Variants in NDST3 observed in about 807,000 individuals in gnomAD.
The protein encoded by NDST3 is N-deacetylase and N-sulfotransferase 3.
In NDST3, 58 loss-of-function variants were observed where a neutral mutation model predicts 96.1. That is an observed-to-expected ratio of 0.60 (90% CI 0.49 to 0.75). The LOEUF (loss-of-function observed/expected upper bound fraction) is 0.75. Among genes scored for constraint, NDST3 ranks in the 30% least tolerant of loss-of-function variants. The pLI is 0.00. For synonymous variants in NDST3, 333 were observed against 359.7 expected (o/e 0.93, Z 0.84); for missense variants, 788 against 1,034.2 (o/e 0.76, Z 3.27).
At chr4:118,202,776 C>T (rs929226433) in intron 6 of NDST3, among the ~76,000 whole-genome samples, 1 of 152,178 alleles carries the variant, frequency 6.6e-6, no homozygotes, top group Non-Finnish European at 1.5e-5. Flanking sequence ...GAGAGTTTGA[C>T]TTCCTTTCCT....
rs534717633 is a variant in NDST3, at chr4:118,257,949, C to T, written c.*2237C>T. The T allele has an allele frequency of 6.6e-6, 1 of 152,192 alleles. No individual in the cohort carries two copies. Among genetic ancestry groups the T allele is most frequent in the South Asian group, 2.1e-4 (1 of 4,822 alleles). The allele number at this position is 152,192 out of a possible 1,614,324, so 9.4% of individuals were successfully genotyped here. ...GGTTAAACATGAGAATAGGCCTCAG[C>T]AGTTATATACAGTGTCATGTTTTCA... On this transcript the variant is annotated 3_prime_UTR_variant, in exon 14 of 14. Transcript: ENST00000296499.
chr4:118,161,988 G>A (rs943729821), intron 6 of NDST3, among the ~76,000 whole-genome samples: 7 of 152,110 alleles, frequency 4.6e-5, no homozygotes, highest in Admixed American at 2.0e-4. Flanking sequence ...GCTGTAGACC[G>A]GAGCTGTTCC....
At chr4:118,122,793 A>G (rs541491923) in intron 4 of NDST3, among the ~76,000 whole-genome samples, 2 of 152,284 alleles carry the variant, frequency 1.3e-5, no homozygotes, top group East Asian at 3.9e-4. Flanking sequence ...TTTACTAGAC[A>G]TTGCGCTTAG....
At chr4:118,049,831 C>T (rs1724975744) in intron 1 of NDST3, among the ~76,000 whole-genome samples, 1 of 151,920 alleles carries the variant, frequency 6.6e-6, no homozygotes, top group Admixed American at 6.6e-5. Flanking sequence ...ACCAATCCTA[C>T]TGAAATTATT....
chr4:118,070,125 T>C (rs1726926583), intron 2 of NDST3, among the ~76,000 whole-genome samples: 3 of 152,128 alleles, frequency 2.0e-5, no homozygotes, highest in Admixed American at 2.0e-4. Context: ...GAAAGCACTT[T>C]ACAAATCATA....
intron 10 of NDST3, among the ~76,000 whole-genome samples, chr4:118,239,852 GTGATTTC>G (rs1474503379): frequency 6.6e-6 from 1 of 152,010 alleles, no homozygotes; most frequent in East Asian, 1.9e-4. Flanking sequence ...TAAAGAAAAG[GTGATTTC>G]CTCAAACCCA....
chr4:118,233,070 C>T lies in NDST3; in HGVS notation c.1878C>T (p.Pro626=), dbSNP rs751741585. 1.2e-6 allele frequency: 2 copies of T among 1,612,930 alleles called. No homozygotes were observed. Among genetic ancestry groups the T allele is most frequent in the South Asian group, 2.2e-5 (2 of 91,050 alleles). ...VMHPSILSNS[P]SPKTFEEVQF... is the part of the protein sequence containing the mutation. ...ATCCTTCCATCCTTAGTAACTCCCCCAGCCCAAAAACCTTTGAGGAGGTAC... is the reference window on the plus strand; with the variant it reads ...ATCCTTCCATCCTTAGTAACTCCCCTAGCCCAAAAACCTTTGAGGAGGTAC... Residue 626 remains proline, a synonymous_variant, in exon 9 of 14, where the codon CCC becomes CCT. Transcript: ENST00000296499.
chr4:118,186,014 A>G (rs987253479), intron 6 of NDST3, among the ~76,000 whole-genome samples: 13 of 152,168 alleles, frequency 8.5e-5, no homozygotes, highest in Non-Finnish European at 1.9e-4. Flanking sequence ...GTGGGAAAAC[A>G]GTGGGTTTTA....
At position 118,114,893 on chromosome 4, in the gene NDST3, A is replaced by G. The variant is rs1489737693; in HGVS notation, c.1157A>G (p.Gln386Arg). 6.2e-7 allele frequency: 1 copy of G among 1,614,028 alleles called. No individual in the cohort carries two copies. The highest frequency in any genetic ancestry group is 8.5e-7 in the Non-Finnish European group (1 of 1,179,998). Residue 386 changes from glutamine (Q) to arginine (R), a missense_variant, in exon 4 of 14, where the codon CAG (glutamine) becomes CGG (arginine). Physicochemically the swap from Gln to Arg is conservative, Grantham distance 43. Transcript: ENST00000296499. ...TTTCCTCACATGTGGAGCCATATGC[A>G]GCCCCACCTCTTCCACAATGAGTCA... ...WWFPHMWSHM[Q>R]PHLFHNESSL... is the part of the protein sequence containing the mutation.
At chr4:118,050,573 A>T (rs1021537173) in intron 1 of NDST3, among the ~76,000 whole-genome samples, 9 of 152,146 alleles carry the variant, frequency 5.9e-5, no homozygotes, top group African/African-American at 2.2e-4. Context: ...CTATACATAT[A>T]TCAATAATGT....
chr4:118,111,396 C>T (rs1230650753), intron 3 of NDST3, among the ~76,000 whole-genome samples: 1 of 152,074 alleles, frequency 6.6e-6, no homozygotes, highest in Non-Finnish European at 1.5e-5. Flanking sequence ...AGGAATTTGA[C>T]TTCTTGTTCT....
chr4:118,035,677 G>A (rs1186588850), intron 1 of NDST3, among the ~76,000 whole-genome samples: 1 of 151,666 alleles, frequency 6.6e-6, no homozygotes, highest in Non-Finnish European at 1.5e-5. Context: ...CATATAAAGA[G>A]GCTTGCCTAA....
intron 6 of NDST3, among the ~76,000 whole-genome samples, chr4:118,216,196 A>C (rs1207385953): frequency 1.3e-5 from 2 of 152,126 alleles, no homozygotes; most frequent in African/African-American, 2.4e-5. Context: ...CGTAGCAGAG[A>C]AGTTCAAACC....
At chr4:118,043,871 T>C (rs1378999042) in intron 1 of NDST3, among the ~76,000 whole-genome samples, 1 of 152,236 alleles carries the variant, frequency 6.6e-6, no homozygotes, top group Non-Finnish European at 1.5e-5. Context: ...AATTTTAATG[T>C]ATGCATTTAA....
At chr4:118,211,979 T>C (rs17626520) in intron 6 of NDST3, among the ~76,000 whole-genome samples, 2,708 of 152,276 alleles carry the variant, frequency 0.018, 32 homozygotes, top group Non-Finnish European at 0.029. Context: ...CTCACTTTTA[T>C]GGACCCCTTC....
intron 6 of NDST3, among the ~76,000 whole-genome samples, chr4:118,218,299 T>C (rs1439767570): frequency 6.6e-6 from 1 of 152,068 alleles, no homozygotes; most frequent in East Asian, 1.9e-4. Flanking sequence ...CTCAGTAAAA[T>C]ACTGACAAAC....
At chr4:118,065,941 A>G (rs1442998225) in intron 2 of NDST3, among the ~76,000 whole-genome samples, 1 of 148,912 alleles carries the variant, frequency 6.7e-6, no homozygotes, top group African/African-American at 2.5e-5. Context: ...GAGTAGAATC[A>G]GATTTCTGGG....
rs1261082014 is a variant in NDST3, at chr4:118,066,640, TTA to T, written c.981+11756_981+11757del. 1.1e-3 allele frequency among the ~76,000 whole-genome samples: 16 copies of T among 15,064 alleles called. 8 individuals are homozygous for T. The highest frequency in any genetic ancestry group is 2.7e-3 in the Non-Finnish European group (16 of 5,942). The allele number at this position is 15,064 out of a possible 152,430, so 9.9% of individuals were successfully genotyped here. A position where few individuals can be genotyped will look rare whatever the true frequency, so the allele number is the denominator to read the frequency against. ...TAACATGTTATATATTATATATACA[TTA>T]TATATAACATGTTATATATTATATA... On this transcript the variant is annotated intron_variant, in intron 2 of 13. Coordinates refer to ENST00000296499, the MANE Select transcript of NDST3 (RefSeq NM_004784.3).
At chr4:118,233,176 T>C (rs1363742971) in intron 9 of NDST3, 41 bp downstream of exon 9, 1 of 1,532,566 alleles carries the variant, frequency 6.5e-7, no homozygotes, top group South Asian at 1.2e-5. Flanking sequence ...GTATATGTAC[T>C]GTGCACAGTA....
Sources: allele counts gnomAD v4.1 joint callset (sites outside exome capture counted in the v4.1 genomes callset), GRCh38; gene constraint gnomAD v4.1.1; transcripts MANE v1.5; gene names NCBI Gene and HGNC (gene_info 2026-07-23, HGNC 2026-07-21).